Variants in ADGRD1 observed in about 807,000 individuals in gnomAD.
The protein encoded by ADGRD1 is G-protein coupled receptor 133.
ADGRD1 carries 77 observed loss-of-function variants against 113.4 expected under a neutral mutation model. The observed-to-expected ratio is 0.68, with a 90% CI of 0.57 to 0.82. The LOEUF is 0.82. Among genes scored for constraint, ADGRD1 ranks in the 40% least tolerant of loss-of-function variants. The pLI, the probability that ADGRD1 is intolerant of heterozygous loss-of-function variation, is 0.00. For synonymous variants in ADGRD1, 474 were observed against 475.0 expected (o/e 1.00, Z 0.03); for missense variants, 1,036 against 1,139.1 (o/e 0.91, Z 1.30).
intron 13 of ADGRD1, among the ~76,000 whole-genome samples, chr12:131,016,974 C>G (rs561684873): frequency 1.3e-5 from 2 of 151,710 alleles, no homozygotes; most frequent in East Asian, 3.9e-4. Flanking sequence ...TTGAAGTTGT[C>G]CTTGTGAGTG....
chr12:131,129,783 C>T (rs1453090344), intron 20 of ADGRD1, among the ~76,000 whole-genome samples: 1 of 152,228 alleles, frequency 6.6e-6, no homozygotes, highest in Non-Finnish European at 1.5e-5. Flanking sequence ...ACTTCTGAAT[C>T]TCAGTAAGAG....
chr12:131,052,833 G>A (rs1157139554), intron 13 of ADGRD1, among the ~76,000 whole-genome samples: 1 of 152,188 alleles, frequency 6.6e-6, no homozygotes, highest in African/African-American at 2.4e-5. Context: ...TAGCTCTGGA[G>A]GGGTGAGGAC....
intron 13 of ADGRD1, among the ~76,000 whole-genome samples, chr12:131,036,184 G>A (rs527247171): frequency 1.3e-4 from 20 of 152,058 alleles, no homozygotes; most frequent in Non-Finnish European, 2.6e-4. Context: ...ACTGGAGGGG[G>A]TCTCATTCAC....
intron 15 of ADGRD1, among the ~76,000 whole-genome samples, chr12:131,095,913 G>C (rs1887246516): frequency 6.6e-6 from 1 of 152,162 alleles, no homozygotes; most frequent in African/African-American, 2.4e-5. Flanking sequence ...TGAATTGTTT[G>C]TAAAGATGAT....
rs755307439 is a variant in ADGRD1 at position 131,118,372 on chromosome 12, C to T, written c.2042-13C>T. The T allele has an allele frequency of 1.3e-6, 2 of 1,599,246 alleles. No homozygotes were observed. The highest frequency in any genetic ancestry group is 2.2e-5 in the East Asian group (1 of 44,710). On this transcript the variant is annotated splice_polypyrimidine_tract_variant and intron_variant, in intron 18 of 24. Coordinates refer to ENST00000261654, the MANE Select transcript of ADGRD1 (RefSeq NM_198827.5). ...TGGAGCAAGTGAACATGATATTCTCCAATCTTCTGCAGGTTTTCCTCTTCT... is the reference window on the plus strand; with the variant it reads ...TGGAGCAAGTGAACATGATATTCTCTAATCTTCTGCAGGTTTTCCTCTTCT...
rs532689993 is a variant in ADGRD1 at position 131,105,763 on chromosome 12, C to T, written c.1785C>T (p.Ser595=). ...LVTFAVLSSV[S]TIRNQRYHIH... ...CTGCCTCTGTCCTCAGCTCCGTGAGCACCATCCGGAACCAGCGCTACCACA... is the reference window on the plus strand; with the variant it reads ...CTGCCTCTGTCCTCAGCTCCGTGAGTACCATCCGGAACCAGCGCTACCACA... Residue 595 remains serine, a synonymous_variant, in exon 17 of 25, where the codon AGC becomes AGT. Coordinates refer to ENST00000261654, the MANE Select transcript of ADGRD1 (RefSeq NM_198827.5). 20 of 1,600,938 alleles carry T rather than the reference C, an allele frequency of 1.2e-5. 1 individual carries two copies. The South Asian group carries it at 2.1e-4, about 17-fold the overall frequency.
rs1475678547 is a variant in ADGRD1 at position 131,041,437 on chromosome 12, G to T, written c.1473+27097G>T. ...GGGAGCTGACCCAGCCACCTGAAGC[G>T]GCTTTTGCCTCCCACCCCACCCTTG... On this transcript the variant is annotated intron_variant, in intron 13 of 24. Transcript: ENST00000261654. The surrounding 1 kb of genome is among the most constrained non-coding windows in gnomAD (Gnocchi z 4.4). Among the ~76,000 whole-genome samples the T allele has an allele frequency of 4.6e-5, 7 of 152,158 alleles. No homozygotes were observed. The highest frequency in any genetic ancestry group is 1.4e-4 in the African/African-American group (6 of 41,434).
At position 131,060,473 on chromosome 12, in the gene ADGRD1, G is replaced by A. The variant is rs1482549420; in HGVS notation, c.1474-16328G>A. On this transcript the variant is annotated intron_variant, in intron 13 of 24. Transcript: ENST00000261654. The surrounding 1 kb of genome is among the most constrained non-coding windows in gnomAD (Gnocchi z 4.4). ...CAGCAGCATGGACAATGCTGTGTCA[G>A]AGCGATGCTGGCTGTTAACTGCTGG... Among the ~76,000 whole-genome samples, 9 of 152,236 alleles carry A rather than the reference G, an allele frequency of 5.9e-5. No homozygotes were observed.
At chr12:130,996,525 C>G (rs1232846652) in intron 8 of ADGRD1, among the ~76,000 whole-genome samples, 1 of 117,472 alleles carries the variant, frequency 8.5e-6, no homozygotes, top group Non-Finnish European at 1.8e-5. Context: ...GCTGGCCGGG[C>G]GGGGGGCTGA....
At chr12:131,130,478 T>G (rs1055899316) in intron 20 of ADGRD1, among the ~76,000 whole-genome samples, 1 of 152,178 alleles carries the variant, frequency 6.6e-6, no homozygotes, top group African/African-American at 2.4e-5. Flanking sequence ...GTCTGAAGCC[T>G]CCGTGCAGAC....
intron 4 of ADGRD1, among the ~76,000 whole-genome samples, chr12:130,980,137 C>T (rs1210618558): frequency 6.6e-6 from 1 of 151,816 alleles, no homozygotes; most frequent in Admixed American, 6.6e-5. Context: ...CGGAGTCTCG[C>T]TCTGTCGCCC....
intron 4 of ADGRD1, chr12:130,978,717 T>C (rs1340241125): frequency 6.6e-6 from 1 of 152,244 alleles, no homozygotes; most frequent in Non-Finnish European, 1.5e-5. Context: ...ATTTTTTTAT[T>C]TTTATTTTTC....
At chr12:131,018,624 C>T (rs919081869) in intron 13 of ADGRD1, among the ~76,000 whole-genome samples, 8 of 152,106 alleles carry the variant, frequency 5.3e-5, no homozygotes, top group African/African-American at 1.4e-4. Flanking sequence ...CAGTTATGAC[C>T]GGTGCAAAAT....
chr12:131,019,188 CT>C (rs1445969164), intron 13 of ADGRD1, among the ~76,000 whole-genome samples: 1 of 152,262 alleles, frequency 6.6e-6, no homozygotes, highest in African/African-American at 2.4e-5. Flanking sequence ...CCTGCTGCTC[CT>C]CCTTGGTCAC....
At position 131,050,993 on chromosome 12, in the gene ADGRD1, C is replaced by T. The variant is rs944013636; in HGVS notation, c.1474-25808C>T. On this transcript the variant is annotated intron_variant, in intron 13 of 24. Transcript: ENST00000261654. The surrounding 1 kb of genome is among the most constrained non-coding windows in gnomAD (Gnocchi z 4.8). ...CAGGCCACGGGCTGGTCCCGGTTCACGGCCCGGGTGTTGGGAACCCCTGTG... is the reference window on the plus strand; with the variant it reads ...CAGGCCACGGGCTGGTCCCGGTTCATGGCCCGGGTGTTGGGAACCCCTGTG... 2.6e-5 allele frequency among the ~76,000 whole-genome samples: 4 copies of T among 152,322 alleles called. No individual in the cohort carries two copies. Among genetic ancestry groups the T allele is most frequent in the Admixed American group, 6.5e-5 (1 of 15,310 alleles).
chr12:131,137,028 G>C lies in ADGRD1; in HGVS notation c.2436+14G>C, dbSNP rs1410374981. On this transcript the variant is annotated intron_variant, in intron 23 of 24. Transcript: ENST00000261654. The stretch of plus-strand genomic sequence containing the variant: ...CTGAATTCAGAGGTACGTCCGCTCT[G>C]CTTGCTGGCAGGTGCAGGTGCAGCT... The C allele has an allele frequency of 6.2e-7, 1 of 1,607,090 alleles. No individual in the cohort carries two copies. The highest frequency in any genetic ancestry group is 2.2e-5 in the East Asian group (1 of 44,828).
At chr12:131,112,555 C>T (rs546831049) in intron 18 of ADGRD1, among the ~76,000 whole-genome samples, 4 of 152,214 alleles carry the variant, frequency 2.6e-5, no homozygotes, top group Admixed American at 2.0e-4. Flanking sequence ...GCTTCCTCTT[C>T]GTTCCCTGCT....
rs1467311003 is a variant in ADGRD1, at chr12:131,096,516, G to A, written c.1672-8315G>A. On this transcript the variant is annotated intron_variant, in intron 15 of 24. Transcript: ENST00000261654. The surrounding 1 kb of genome is among the most constrained non-coding windows in gnomAD (Gnocchi z 5.2). ...GTTAACCACTGCATAGCTCTCCCGC[G>A]GGTGGACACTGAAGTCATGGTGGTC... Among the ~76,000 whole-genome samples, 3 of 152,324 alleles carry A rather than the reference G, an allele frequency of 2.0e-5. No individual in the cohort carries two copies. The highest frequency in any genetic ancestry group is 1.9e-4 in the East Asian group (1 of 5,186).
Position 131,033,828 on chromosome 12 carries a change from C to A in ADGRD1, c.1473+19488C>A, listed in dbSNP as rs7298564. On this transcript the variant is annotated intron_variant, in intron 13 of 24. Coordinates refer to ENST00000261654, the MANE Select transcript of ADGRD1 (RefSeq NM_198827.5). ...CTAGGGGGAAGCAGCTTCCCTGAGC[C>A]GCGTGGGTGAAGGCTGGGGACACGT... 8.7e-3 allele frequency among the ~76,000 whole-genome samples: 1,327 copies of A among 152,068 alleles called. 23 individuals carry two copies. The highest frequency in any genetic ancestry group is 0.031 in the African/African-American group (1,276 of 41,472).
Sources: gnomAD v4.1 joint callset for allele counts (sites outside exome capture counted in the v4.1 genomes callset) on GRCh38, gnomAD v4.1.1 for gene constraint, Gnocchi (gnomAD v3.1) non-coding constraint, MANE v1.5 for transcripts, NCBI Gene and HGNC (gene_info 2026-07-23, HGNC 2026-07-21) for gene names.